Variants in SLC44A5 observed in about 807,000 individuals in gnomAD.
SLC44A5 encodes choline transporter-like protein 5.
Under a neutral mutation model 101.8 loss-of-function variants are expected in SLC44A5, and 57 were observed. The ratio of observed to expected loss-of-function variants is 0.56; its 90% CI spans 0.45 to 0.70. The LOEUF (loss-of-function observed/expected upper bound fraction) is 0.70, where lower values mean the gene tolerates loss of function less well. Among genes scored for constraint, SLC44A5 ranks in the 30% least tolerant of loss-of-function variants. The probability of loss-of-function intolerance (pLI) is 0.00; values close to 1 mark genes in which losing one functional copy is unlikely to be tolerated. For missense variants in SLC44A5, 737 were observed against 853.1 expected (o/e 0.86, Z 1.70); for synonymous variants, 281 against 290.9 (o/e 0.97, Z 0.35).
chr1:75,330,979 T>C (rs558890880), intron 4 of SLC44A5, among the ~76,000 whole-genome samples: 1,631 of 151,950 alleles, frequency 0.011, 36 homozygotes, highest in African/African-American at 0.037. Context: ...TTTTTTTTTT[T>C]TTTTGGCTTC....
intron 2 of SLC44A5, among the ~76,000 whole-genome samples, chr1:75,477,626 G>A (rs1667514868): frequency 6.6e-6 from 1 of 152,212 alleles, no homozygotes; most frequent in Admixed American, 6.5e-5. Flanking sequence ...AGGAGCCGAT[G>A]TGATCAACTG....
At chr1:75,698,123 T>G in the SLC44A5 span, among the ~76,000 whole-genome samples, 8 of 152,302 alleles carry the variant, frequency 5.3e-5, no homozygotes, top group East Asian at 1.2e-3. Context: ...CAAAGCAGCT[T>G]GGAAGCTCAA....
chr1:75,580,125 A>T, intron 1 of SLC44A5, among the ~76,000 whole-genome samples: 1 of 151,978 alleles, frequency 6.6e-6, no homozygotes, highest in Admixed American at 6.5e-5. Context: ...CACTTCTCAA[A>T]ATAAAAAATA....
chr1:75,484,829 G>A (rs962248626), intron 2 of SLC44A5, among the ~76,000 whole-genome samples: 14 of 152,222 alleles, frequency 9.2e-5, no homozygotes, highest in Admixed American at 3.9e-4. Context: ...CCAACACCAC[G>A]TGAAAGCTGC....
chr1:75,256,633 A>G (rs1248441223), intron 6 of SLC44A5, among the ~76,000 whole-genome samples: 1 of 152,188 alleles, frequency 6.6e-6, no homozygotes, highest in Non-Finnish European at 1.5e-5. Flanking sequence ...AGAACTGAAC[A>G]TAAATGGTGA....
intron 2 of SLC44A5, among the ~76,000 whole-genome samples, chr1:75,402,078 T>G (rs995640556): frequency 4.6e-5 from 7 of 152,128 alleles, no homozygotes; most frequent in Non-Finnish European, 8.8e-5. Context: ...AGCTATAGAA[T>G]GGTTACAGGG....
At chr1:75,622,968 A>G in the SLC44A5 span, among the ~76,000 whole-genome samples, 1 of 152,112 alleles carries the variant, frequency 6.6e-6, no homozygotes, top group Non-Finnish European at 1.5e-5. Context: ...ATTTTTGACA[A>G]TGAACCAAAT....
intron 6 of SLC44A5, among the ~76,000 whole-genome samples, chr1:75,269,807 A>T (rs2100726878): frequency 6.6e-6 from 1 of 152,240 alleles, no homozygotes; most frequent in African/African-American, 2.4e-5. Context: ...TTTTCCCTTG[A>T]TACCATTTGA....
At chr1:75,603,669 G>C (rs558151376) in intron 1 of SLC44A5, among the ~76,000 whole-genome samples, 1 of 144,754 alleles carries the variant, frequency 6.9e-6, no homozygotes, top group African/African-American at 2.6e-5. Context: ...TTTAATAATA[G>C]TTATTCTGAC....
At chr1:75,391,094 T>C (rs1454452336) in intron 3 of SLC44A5, among the ~76,000 whole-genome samples, 1 of 151,960 alleles carries the variant, frequency 6.6e-6, no homozygotes, top group African/African-American at 2.4e-5. Context: ...CCATTTACAA[T>C]AGCCAAAAAT....
intron 12 of SLC44A5, among the ~76,000 whole-genome samples, chr1:75,232,742 CCT>C (rs1032106289): frequency 6.6e-6 from 1 of 152,058 alleles, no homozygotes; most frequent in Admixed American, 6.6e-5. Context: ...TCCTTAAGAT[CCT>C]CTGAGATGAA....
upstream of SLC44A5, among the ~76,000 whole-genome samples, chr1:75,614,474 C>G (rs1416503495): frequency 6.6e-6 from 1 of 152,184 alleles, no homozygotes; most frequent in East Asian, 1.9e-4. Flanking sequence ...TAAACGCTTT[C>G]CAGTAAGTGC....
chr1:75,388,033 G>C (rs1223806096), intron 3 of SLC44A5, among the ~76,000 whole-genome samples: 1 of 138,798 alleles, frequency 7.2e-6, no homozygotes, highest in East Asian at 2.2e-4. Context: ...GACACAGGAA[G>C]GGGAATATCA....
intron 4 of SLC44A5, among the ~76,000 whole-genome samples, chr1:75,317,281 A>G (rs1655765319): frequency 6.6e-6 from 1 of 152,174 alleles, no homozygotes; most frequent in Non-Finnish European, 1.5e-5. Flanking sequence ...ACTTAGACTT[A>G]AGAAGGACTT....
intron 6 of SLC44A5, among the ~76,000 whole-genome samples, chr1:75,258,963 C>G (rs1425831838): frequency 6.6e-6 from 1 of 152,122 alleles, no homozygotes; most frequent in Non-Finnish European, 1.5e-5. Context: ...AGCTAACAAA[C>G]AGAAAAGAAC....
chr1:75,616,976 A>C, the SLC44A5 span, among the ~76,000 whole-genome samples: 5 of 152,106 alleles, frequency 3.3e-5, no homozygotes, highest in Admixed American at 6.5e-5. Context: ...GAAAGTTCTC[A>C]TGTTCCTGGA....
intron 3 of SLC44A5, among the ~76,000 whole-genome samples, chr1:75,359,993 T>C (rs1246962176): frequency 6.6e-6 from 1 of 152,192 alleles, no homozygotes; most frequent in Admixed American, 6.5e-5. Context: ...TCAGGTCCTT[T>C]CCCTATGTTT....
At chr1:75,530,826 T>C (rs1670673820) in intron 2 of SLC44A5, among the ~76,000 whole-genome samples, 1 of 152,146 alleles carries the variant, frequency 6.6e-6, no homozygotes, top group South Asian at 2.1e-4. Context: ...TCCCATCCTA[T>C]GACTTTCCAA....
In SLC44A5 at chr1:75,321,800, A is replaced by G. The variant is rs556006547; in HGVS notation, c.101+17782T>C. On this transcript the variant is annotated intron_variant, in intron 4 of 23. Transcript: ENST00000370859. ...GACTTTTTCCTTTTAAATTTCACCA[A>G]AAAATATTTGATTCATCTTTAACAC... Among the ~76,000 whole-genome samples the G allele has an allele frequency of 7.9e-5, 12 of 152,286 alleles. No homozygotes were observed. The South Asian group carries it at 1.7e-3, about 21-fold the overall frequency.
Sources: allele counts gnomAD v4.1 joint callset (sites outside exome capture counted in the v4.1 genomes callset), GRCh38; gene constraint gnomAD v4.1.1; transcripts MANE v1.5; gene names NCBI Gene and HGNC (gene_info 2026-07-23, HGNC 2026-07-21).